Variants in RABGEF1 observed in about 807,000 individuals in gnomAD.
RABGEF1 encodes rab5 GDP/GTP exchange factor.
RABGEF1 carries 26 observed loss-of-function variants against 57.3 expected under a neutral mutation model. The ratio of observed to expected loss-of-function variants is 0.45; its 90% CI spans 0.33 to 0.63. RABGEF1 has a LOEUF of 0.63. Ranked by LOEUF, RABGEF1 falls within the 20% of genes least tolerant of loss-of-function variation. The probability of loss-of-function intolerance (pLI) is 0.02; values close to 1 mark genes in which losing one functional copy is unlikely to be tolerated. For synonymous variants in RABGEF1, 185 were observed against 210.7 expected (o/e 0.88, Z 1.06); for missense variants, 464 against 607.6 (o/e 0.76, Z 2.48).
chr7:66,779,829 A>C (rs3800814), intron 3 of RABGEF1, among the ~76,000 whole-genome samples: 15,984 of 152,128 alleles, frequency 0.11, 914 homozygotes, highest in Non-Finnish European at 0.11. Context: ...TTACACACGG[A>C]ATCCCTATTG....
At chr7:66,775,439 A>G (rs773207189) in intron 3 of RABGEF1, 46 bp downstream of exon 3, 1 of 1,593,862 alleles carries the variant, frequency 6.3e-7, no homozygotes, top group Admixed American at 1.7e-5. Context: ...TGAGTGAGAC[A>G]CAGAGGAGAT....
chr7:66,729,749 C>T (rs947055731), intron 2 of RABGEF1, among the ~76,000 whole-genome samples: 52 of 152,318 alleles, frequency 3.4e-4, no homozygotes, highest in African/African-American at 1.1e-3. Flanking sequence ...TGGGTCTGGA[C>T]GGAGAGGTGA....
intron 2 of RABGEF1, among the ~76,000 whole-genome samples, chr7:66,716,166 T>A (rs1172734509): frequency 6.6e-6 from 1 of 152,228 alleles, no homozygotes. Flanking sequence ...TTATGTAATG[T>A]CCCTCTTAAT....
At chr7:66,673,781 G>A in the RABGEF1 span, among the ~76,000 whole-genome samples, 1 of 151,404 alleles carries the variant, frequency 6.6e-6, no homozygotes, top group Non-Finnish European at 1.5e-5. Context: ...TCGGGAGGCT[G>A]AGGCAAGAGG....
chr7:66,662,238 C>T, the RABGEF1 span, among the ~76,000 whole-genome samples: 1 of 88,138 alleles, frequency 1.1e-5, no homozygotes, highest in African/African-American at 4.7e-5. Flanking sequence ...GACTCCGTCT[C>T]AAAAAAAAAA....
intron 1 of RABGEF1, among the ~76,000 whole-genome samples, chr7:66,763,970 CAT>C (rs1370019935): frequency 7.9e-5 from 12 of 152,118 alleles, no homozygotes; most frequent in African/African-American, 1.9e-4. Flanking sequence ...TCTGTGGACA[CAT>C]GTTTTTATTT....
At chr7:66,682,484 C>G (rs1445445161) in intron 1 of RABGEF1, among the ~76,000 whole-genome samples, 2 of 152,262 alleles carry the variant, frequency 1.3e-5, no homozygotes, top group East Asian at 3.9e-4. Flanking sequence ...GTCCAACGTG[C>G]TCGTTGCCGG....
chr7:66,661,105 C>T, the RABGEF1 span, among the ~76,000 whole-genome samples: 14 of 151,704 alleles, frequency 9.2e-5, no homozygotes, highest in East Asian at 2.1e-3. Context: ...GTCAGGAGAT[C>T]GAGACCACAG....
intron 2 of RABGEF1, among the ~76,000 whole-genome samples, chr7:66,721,394 A>G (rs536016409): frequency 3.9e-5 from 6 of 152,332 alleles, no homozygotes; most frequent in South Asian, 2.1e-4. Context: ...TCTGTCTGAA[A>G]TCAAGATGTC....
chr7:66,662,892 C>T, the RABGEF1 span, among the ~76,000 whole-genome samples: 16 of 149,700 alleles, frequency 1.1e-4, no homozygotes, highest in African/African-American at 3.9e-4. Flanking sequence ...CATGTGTGTG[C>T]AGGTGTGCAT....
chr7:66,679,363 C>T (rs1206525301), upstream of RABGEF1, among the ~76,000 whole-genome samples: 1 of 152,138 alleles, frequency 6.6e-6, no homozygotes, highest in Admixed American at 6.6e-5. Flanking sequence ...GGCTGGAGTG[C>T]AGTGGCATGA....
intron 1 of RABGEF1, among the ~76,000 whole-genome samples, chr7:66,759,543 A>C (rs1481134106): frequency 6.6e-6 from 1 of 152,180 alleles, no homozygotes; most frequent in Non-Finnish European, 1.5e-5. Context: ...AGTAATTTAT[A>C]AAGAAAGGAG....
At chr7:66,731,114 C>T (rs1797263473) in intron 2 of RABGEF1, among the ~76,000 whole-genome samples, 1 of 152,172 alleles carries the variant, frequency 6.6e-6, no homozygotes, top group African/African-American at 2.4e-5. Flanking sequence ...CCAGCCCCTG[C>T]CCTGGAGCCA....
At chr7:66,778,555 T>G (rs1809089145) in intron 3 of RABGEF1, among the ~76,000 whole-genome samples, 1 of 152,234 alleles carries the variant, frequency 6.6e-6, no homozygotes, top group East Asian at 1.9e-4. Context: ...TGTGTACCTC[T>G]TTCATGAACG....
the RABGEF1 span, among the ~76,000 whole-genome samples, chr7:66,670,121 G>A: frequency 6.6e-6 from 1 of 151,984 alleles, no homozygotes; most frequent in African/African-American, 2.4e-5. Flanking sequence ...CACCAAAATC[G>A]ACACCCCCCA....
rs745980900 is a variant in RABGEF1 at position 66,808,970 on chromosome 7, C to G, written c.1162C>G (p.Gln388Glu). The stretch of plus-strand genomic sequence containing the variant: ...GGATTTTGATCGCTACATGTCTGGC[C>G]AGACCTCTCCCAGGAAGCAAGAAGC... Reference protein sequence around the residue: ...QEDFDRYMSGQTSPRKQEAES... With the variant: ...QEDFDRYMSGETSPRKQEAES... Residue 388 changes from glutamine (Q) to glutamate (E), a missense_variant, in exon 9 of 9, where the codon CAG (glutamine) becomes GAG (glutamate). Physicochemically the swap from Gln to Glu is conservative, Grantham distance 29. Around this residue, in one of 4 missense-constraint regions of RABGEF1, gnomAD observed 151 missense variants for 152.2 expected, o/e 0.99. Coordinates refer to ENST00000284957, the MANE Select transcript of RABGEF1 (RefSeq NM_014504.3). 6.2e-7 allele frequency: 1 copy of G among 1,614,118 alleles called. No homozygotes were observed. Among genetic ancestry groups the G allele is most frequent in the South Asian group, 1.1e-5 (1 of 91,074 alleles).
chr7:66,701,485 C>CGA (rs1793251464), intron 1 of RABGEF1, among the ~76,000 whole-genome samples: 1 of 148,756 alleles, frequency 6.7e-6, no homozygotes, highest in Non-Finnish European at 1.5e-5. Context: ...GAGGACAGAG[C>CGA]GAGACTCTGA....
intron 1 of RABGEF1, among the ~76,000 whole-genome samples, chr7:66,687,317 G>A (rs1025149113): frequency 7.3e-5 from 11 of 151,174 alleles, no homozygotes; most frequent in Non-Finnish European, 1.3e-4. Context: ...GTAGAGATGG[G>A]GTTTTGCCTT....
intron 1 of RABGEF1, among the ~76,000 whole-genome samples, chr7:66,689,843 T>G (rs1157468024): frequency 6.6e-6 from 1 of 151,358 alleles, no homozygotes; most frequent in Non-Finnish European, 1.5e-5. Context: ...CTATAACTAG[T>G]AAGAAGATTA....
Sources: gnomAD v4.1 joint callset for allele counts (sites outside exome capture counted in the v4.1 genomes callset) on GRCh38, gnomAD v4.1.1 for gene constraint, gnomAD v4.1.1 regional missense constraint, MANE v1.5 for transcripts, NCBI Gene and HGNC (gene_info 2026-07-23, HGNC 2026-07-21) for gene names.